Variants in SRFBP1 observed in about 807,000 individuals in gnomAD.
SRFBP1 encodes the protein serum response factor-binding protein 1.
A neutral mutation model predicts 45.5 loss-of-function variants in SRFBP1; 47 were observed. That is an observed-to-expected ratio of 1.03 (90% confidence interval 0.82 to 1.32). SRFBP1 has a LOEUF of 1.32. Among genes scored for constraint, SRFBP1 ranks in the 40% most tolerant of loss-of-function variants. SRFBP1 has a pLI of 0.00. For missense variants in SRFBP1, 621 were observed against 484.6 expected (o/e 1.28, Z -2.64); for synonymous variants, 203 against 166.3 (o/e 1.22, Z -1.70).
At chr5:121,992,772 T>C (rs947804779) in intron 3 of SRFBP1, among the ~76,000 whole-genome samples, 1 of 152,164 alleles carries the variant, frequency 6.6e-6, no homozygotes, top group African/African-American at 2.4e-5. Context: ...TTAGAGGTAT[T>C]ATATTCCTAA....
At chr5:122,036,203 C>G (rs1753690202) in intron 2 of SRFBP1, among the ~76,000 whole-genome samples, 1 of 152,042 alleles carries the variant, frequency 6.6e-6, no homozygotes, top group South Asian at 2.1e-4. Flanking sequence ...AGGCCTTGGA[C>G]CTTCTGATAC....
chr5:121,995,553 G>C (rs2112676563), intron 4 of SRFBP1, among the ~76,000 whole-genome samples: 1 of 152,164 alleles, frequency 6.6e-6, no homozygotes, highest in African/African-American at 2.4e-5. Flanking sequence ...ATGCTGACAA[G>C]AGAAAGCAGG....
chr5:122,008,684 A>G (rs571497238), intron 4 of SRFBP1, among the ~76,000 whole-genome samples: 3 of 151,806 alleles, frequency 2.0e-5, no homozygotes, highest in East Asian at 1.9e-4. Flanking sequence ...GTAGATAGTC[A>G]TTCAAATTGA....
At chr5:121,985,813 G>C (rs546493498) in intron 3 of SRFBP1, among the ~76,000 whole-genome samples, 1 of 151,816 alleles carries the variant, frequency 6.6e-6, no homozygotes, top group East Asian at 1.9e-4. Context: ...TTTGTGGGGG[G>C]TTGGGGGATT....
Position 121,980,188 on chromosome 5 carries a change from A to G in SRFBP1, c.198+4801A>G, listed in dbSNP as rs141818510. 2.2e-4 allele frequency among the ~76,000 whole-genome samples: 33 copies of G among 152,294 alleles called. No homozygotes were observed. In the East Asian group the frequency reaches 4.2e-3, roughly 20 times the overall value. The stretch of plus-strand genomic sequence containing the variant: ...TCTTTTGTGTTTCATAATCTCTAAT[A>G]ATACTGTATTTATACTTTTCCTTCC... On this transcript the variant is annotated intron_variant, in intron 3 of 7. Coordinates refer to ENST00000339397, the MANE Select transcript of SRFBP1 (RefSeq NM_152546.3).
chr5:122,027,611 A>G lies in SRFBP1; in HGVS notation c.*485A>G, dbSNP rs1005210012. 6.6e-6 allele frequency: 1 copy of G among 152,166 alleles called. No homozygotes were observed. The highest frequency in any genetic ancestry group is 1.5e-5 in the Non-Finnish European group (1 of 68,038). 9.4% of individuals were successfully genotyped at this position (152,166 alleles called of 1,614,324 possible). A position where few individuals can be genotyped will look rare whatever the true frequency, so the allele number is the denominator to read the frequency against. On this transcript the variant is annotated 3_prime_UTR_variant, in exon 8 of 8. Coordinates refer to ENST00000339397, the MANE Select transcript of SRFBP1 (RefSeq NM_152546.3). ...GTTCAGCTCTGTTGTTTCCTTAAAC[A>G]TAAATGTCAATATATATTTAAAATA...
Position 122,044,725 on chromosome 5 carries a change from T to A in SRFBP1, n.311+22318T>A, listed in dbSNP as rs1390582959. Among the ~76,000 whole-genome samples the A allele has an allele frequency of 2.0e-5, 3 of 152,252 alleles. No individual in the cohort carries two copies. In the East Asian group the frequency reaches 5.8e-4, roughly 29 times the overall value. On this transcript the variant is annotated intron_variant and non_coding_transcript_variant, in intron 2 of 2. Coordinates refer to the SRFBP1 transcript ENST00000504881. ...GGTTTTTAGTTTTTTTCTTGTGACTTTGTTTAAATTCCTTATAGATTCTGG... is the reference window on the plus strand; with the variant it reads ...GGTTTTTAGTTTTTTTCTTGTGACTATGTTTAAATTCCTTATAGATTCTGG...
chr5:122,063,603 T>C (rs1278097532), intron 2 of SRFBP1: 1 of 151,930 alleles, frequency 6.6e-6, no homozygotes, highest in East Asian at 1.9e-4. Context: ...AACTCACTGA[T>C]TGAATATGTT....
At chr5:122,051,719 A>T (rs1409514732) in intron 2 of SRFBP1, among the ~76,000 whole-genome samples, 2 of 151,916 alleles carry the variant, frequency 1.3e-5, no homozygotes, top group African/African-American at 4.8e-5. Flanking sequence ...TTGCCACTCC[A>T]TGCCTTTTAA....
Position 122,020,720 on chromosome 5 carries a change from G to C in SRFBP1, c.985G>C (p.Asp329His). 6.2e-7 allele frequency: 1 copy of C among 1,611,626 alleles called. No homozygotes were observed. Among genetic ancestry groups the C allele is most frequent in the Non-Finnish European group, 8.5e-7 (1 of 1,179,436 alleles). ...TGETHGDTRN[D>H]KIKPSTETRK... ...TGAAACTCATGGGGATACAAGAAAT[G>C]ACAAAATCAAGCCAAGTACAGAAAC... The change falls in exon 6 of 8, where the codon GAC (aspartate) becomes CAC (histidine). Residue 329 changes from aspartate to histidine, a missense_variant. By Grantham distance (81) the Asp-to-His change is moderately conservative (BLOSUM62 -1). Transcript: ENST00000339397.
intron 1 of SRFBP1, among the ~76,000 whole-genome samples, chr5:121,968,953 A>T (rs1752133071): frequency 1.3e-5 from 2 of 152,192 alleles, no homozygotes; most frequent in African/African-American, 2.4e-5. Flanking sequence ...GATTTTTGTT[A>T]CAGGCTAACT....
chr5:122,020,143 A>G lies in SRFBP1; in HGVS notation c.408A>G (p.Ser136=), dbSNP rs1276458284. Reference sequence around the variant, plus strand: ...AAAATGTTGCTGAAGTTGAGTCATCAAAGAATGCTTCAGAGGACAATCATT... The same window carrying G: ...AAAATGTTGCTGAAGTTGAGTCATCGAAGAATGCTTCAGAGGACAATCATT... ...ARQNVAEVES[S]KNASEDNHSE... The change falls in exon 6 of 8, where the codon TCA becomes TCG. Residue 136 remains serine (S), a synonymous_variant. Coordinates refer to ENST00000339397, the MANE Select transcript of SRFBP1 (RefSeq NM_152546.3). 3 of 1,593,876 alleles carry G rather than the reference A, an allele frequency of 1.9e-6. No homozygotes were observed. Among genetic ancestry groups the G allele is most frequent in the Non-Finnish European group, 2.6e-6 (3 of 1,173,168 alleles).
Position 122,053,831 on chromosome 5 carries a change from A to G in SRFBP1, n.312-21484A>G, listed in dbSNP as rs116972448. Reference sequence around the variant, plus strand: ...CCTCCTGGCTATCAGTGGTGGGGGTAGGTGGAGTCACATGCCCTGCCACCC... The same window carrying G: ...CCTCCTGGCTATCAGTGGTGGGGGTGGGTGGAGTCACATGCCCTGCCACCC... On this transcript the variant is annotated intron_variant and non_coding_transcript_variant, in intron 2 of 2. Transcript: ENST00000504881. Among the ~76,000 whole-genome samples the G allele has an allele frequency of 4.2e-4, 64 of 152,160 alleles. No homozygotes were observed. In the East Asian group the frequency reaches 8.7e-3, roughly 21 times the overall value.
chr5:122,075,442 G>C (rs370861938), exon 3 of SRFBP1: 1 of 1,613,512 alleles, frequency 6.2e-7, no homozygotes, highest in Non-Finnish European at 8.5e-7. Flanking sequence ...ATCTTGGTCG[G>C]CTGGGTAAGA....
In SRFBP1 at chr5:121,994,678, T is replaced by A; in HGVS notation, c.270+8T>A. On this transcript the variant is annotated splice_region_variant and intron_variant, in intron 4 of 7. Transcript: ENST00000339397. ...GAAAAAATCTTCAAAAAGGTATATC[T>A]GCAATAGATTATATTTGTCTTATGA... The A allele has an allele frequency of 6.5e-7, 1 of 1,534,802 alleles. No homozygotes were observed. The highest frequency in any genetic ancestry group is 8.9e-7 in the Non-Finnish European group (1 of 1,125,512).
At chr5:122,034,541 ACTTTC>A (rs139274692) in intron 2 of SRFBP1, among the ~76,000 whole-genome samples, 134 of 151,718 alleles carry the variant, frequency 8.8e-4, no homozygotes, top group African/African-American at 3.0e-3. Flanking sequence ...GAGTTTTCCT[ACTTTC>A]CTTTTTTCAT....
intron 1 of SRFBP1, among the ~76,000 whole-genome samples, chr5:121,972,556 CAG>C (rs1436806011): frequency 6.6e-6 from 1 of 151,816 alleles, no homozygotes; most frequent in African/African-American, 2.4e-5. Context: ...ATGAAGAACT[CAG>C]AGTGTTTTTT....
intron 4 of SRFBP1, among the ~76,000 whole-genome samples, chr5:122,015,383 C>T (rs1753175376): frequency 6.6e-6 from 1 of 152,162 alleles, no homozygotes; most frequent in South Asian, 2.1e-4. Context: ...AATTTTTAAA[C>T]ATCACGGGCC....
At chr5:122,058,656 T>G (rs1379754109) in intron 2 of SRFBP1, among the ~76,000 whole-genome samples, 3 of 151,974 alleles carry the variant, frequency 2.0e-5, no homozygotes, top group Admixed American at 6.6e-5. Flanking sequence ...TCACAAAAGC[T>G]AACACACTTC....
Sources: allele counts gnomAD v4.1 joint callset (sites outside exome capture counted in the v4.1 genomes callset), GRCh38; gene constraint gnomAD v4.1.1; transcripts MANE v1.5; gene names NCBI Gene and HGNC (gene_info 2026-07-23, HGNC 2026-07-21).